Variants in DNAH2 observed in about 807,000 individuals in gnomAD.
DNAH2 encodes the protein axonemal beta dynein heavy chain 2.
In DNAH2, 323 loss-of-function variants were observed where a neutral mutation model predicts 523.5. The ratio of observed to expected loss-of-function variants is 0.62; its 90% CI spans 0.56 to 0.68. The LOEUF (loss-of-function observed/expected upper bound fraction) is 0.68, where lower values mean the gene tolerates loss of function less well. DNAH2 is among the 30% of genes least tolerant of loss of function. DNAH2 has a pLI of 0.00. For synonymous variants in DNAH2, 2,093 were observed against 2,177.4 expected (o/e 0.96, Z 1.08); for missense variants, 4,907 against 5,701.5 (o/e 0.86, Z 4.49).
At chr17:7,813,931 A>G (rs933987261) in intron 63 of DNAH2, among the ~76,000 whole-genome samples, 2 of 151,604 alleles carry the variant, frequency 1.3e-5, no homozygotes, top group African/African-American at 4.8e-5. Flanking sequence ...AAAATTATTT[A>G]TTCAAAAAAA....
intron 50 of DNAH2, 55 bp from the exon 51 acceptor site, chr17:7,797,121 A>AAC: frequency 7.2e-7 from 1 of 1,393,922 alleles, no homozygotes; most frequent in Admixed American, 2.1e-5. Context: ...AAAAAAAAAA[A>AAC]CTTCTGGAGG....
At position 7,811,376 on chromosome 17, in the gene DNAH2, C is replaced by A. The variant is rs148480792; in HGVS notation, c.9729+3790C>A. Among the ~76,000 whole-genome samples the A allele has an allele frequency of 2.8e-3, 434 of 152,320 alleles. 3 individuals are homozygous for A. Among genetic ancestry groups the A allele is most frequent in the Non-Finnish European group, 4.2e-3 (284 of 68,040 alleles). On this transcript the variant is annotated intron_variant, in intron 63 of 85. Transcript: ENST00000572933. Reference sequence around the variant, plus strand: ...AAATGGAAATTCGACATCAACTAATCTTGCCTTTGTGAGTTAAAAATCTAG... The same window carrying A: ...AAATGGAAATTCGACATCAACTAATATTGCCTTTGTGAGTTAAAAATCTAG...
At chr17:7,775,372 G>A (rs1296653394) in intron 30 of DNAH2, 30 bp downstream of exon 30, 1 of 1,584,358 alleles carries the variant, frequency 6.3e-7, no homozygotes, top group Non-Finnish European at 8.6e-7. Context: ...TGAGGACCTA[G>A]CTGATTCTTC....
intron 55 of DNAH2, 64 bp from the exon 56 acceptor site, chr17:7,799,039 C>G (rs12949280): frequency 6.3e-7 from 1 of 1,585,714 alleles, no homozygotes; most frequent in Non-Finnish European, 8.6e-7. Context: ...CCACCTGACC[C>G]GCTGCCCCCG....
At chr17:7,739,176 C>T (rs1012190308) in intron 8 of DNAH2, among the ~76,000 whole-genome samples, 21 of 152,168 alleles carry the variant, frequency 1.4e-4, no homozygotes, top group Middle Eastern at 3.2e-3. Context: ...GAGGCTGAGG[C>T]GGGCAGATCA....
At chr17:7,767,758 GA>G in intron 22 of DNAH2, 141 bp from the exon 23 acceptor site, 1 of 1,046,862 alleles carries the variant, frequency 9.6e-7, no homozygotes, top group Non-Finnish European at 1.4e-6. Context: ...CAACAGAGTG[GA>G]GAAAAATATG....
intron 9 of DNAH2, 75 bp downstream of exon 9, chr17:7,740,013 G>C (rs567760969): frequency 2.9e-6 from 4 of 1,383,930 alleles, no homozygotes; most frequent in Non-Finnish European, 3.9e-6. Context: ...GAGGAGTGGC[G>C]AGAGTATGCA....
Position 7,786,751 on chromosome 17 carries a change from T to C in DNAH2, c.6466+64T>C, listed in dbSNP as rs2076747092. On this transcript the variant is annotated intron_variant, in intron 41 of 85. Transcript: ENST00000572933. The surrounding 1 kb of genome is among the most constrained non-coding windows in gnomAD (Gnocchi z 7.5). ...GAGTCTCCTAAGGGGGCAGGGAGTC[T>C]GGGGATAGGAAGTTCCAAGTTGGGA... The C allele has an allele frequency of 6.2e-7, 1 of 1,600,278 alleles. No homozygotes were observed. Among genetic ancestry groups the C allele is most frequent in the East Asian group, 2.2e-5 (1 of 44,602 alleles).
Position 7,817,717 on chromosome 17 carries a change from TGCTGCTGG to T in DNAH2, c.10169+11_10169+18del. 1.2e-6 allele frequency: 2 copies of T among 1,613,910 alleles called. No individual in the cohort carries two copies. The highest frequency in any genetic ancestry group is 1.7e-6 in the Non-Finnish European group (2 of 1,179,964). On this transcript the variant is annotated intron_variant, in intron 66 of 85. Coordinates refer to ENST00000572933, the MANE Select transcript of DNAH2 (RefSeq NM_020877.5). ...CGTCACCCGAGGCAACAGGTGAGGG[TGCTGCTGG>T]GCGTGGGGGCGGTACGGGAGCATGG...
At chr17:7,800,501 G>A (rs957132262) in intron 56 of DNAH2, among the ~76,000 whole-genome samples, 2 of 152,022 alleles carry the variant, frequency 1.3e-5, no homozygotes, top group African/African-American at 4.8e-5. Context: ...GATATGACTA[G>A]ATTTTTAAGG....
chr17:7,725,139 G>A (rs909192777), intron 3 of DNAH2, among the ~76,000 whole-genome samples: 23 of 151,804 alleles, frequency 1.5e-4, no homozygotes, highest in Admixed American at 9.2e-4. Flanking sequence ...GCCCAGGCTG[G>A]AGTGCAGTGG....
rs200414060 is a variant in DNAH2, at chr17:7,818,638, C to A, written c.10537-5C>A. 16 of 1,613,696 alleles carry A rather than the reference C, an allele frequency of 9.9e-6. No individual in the cohort carries two copies. Among genetic ancestry groups the A allele is most frequent in the Non-Finnish European group, 1.4e-5 (16 of 1,179,984 alleles). On this transcript the variant is annotated splice_polypyrimidine_tract_variant and splice_region_variant and intron_variant, in intron 69 of 85. Coordinates refer to ENST00000572933, the MANE Select transcript of DNAH2 (RefSeq NM_020877.5). ...GCCCCTCACTGTGAGTCCTGATGCCCCCAGGGCCTGGAGGCCCAGCTGCTG... is the reference window on the plus strand; with the variant it reads ...GCCCCTCACTGTGAGTCCTGATGCCACCAGGGCCTGGAGGCCCAGCTGCTG...
chr17:7,734,731 T>G, intron 7 of DNAH2, 23 bp downstream of exon 7: 1 of 1,607,526 alleles, frequency 6.2e-7, no homozygotes, highest in South Asian at 1.1e-5. Context: ...ATCAAAGGAT[T>G]CAGGCTCAGC....
In DNAH2 at chr17:7,793,128, C is replaced by G. The variant is rs1373762618; in HGVS notation, c.7492C>G (p.Pro2498Ala). The change falls in exon 48 of 86, where the codon CCC becomes GCC. Residue 2498 changes from proline to alanine, a missense_variant. Transcript: ENST00000572933. The part of the protein sequence containing the change: ...PAKDMFGSQP[P>A]LELIRLWIDY... ...TAAGGACATGTTTGGGTCCCAGCCA[C>G]CCCTGGAGCTGATCCGCCTCTGGAT... is the stretch of plus-strand genomic sequence containing the variant. 1 of 1,614,238 alleles carries G rather than the reference C, an allele frequency of 6.2e-7. No homozygotes were observed. The highest frequency in any genetic ancestry group is 1.7e-5 in the Admixed American group (1 of 60,032).
At chr17:7,829,351 G>A (rs1203247564) in intron 77 of DNAH2, among the ~76,000 whole-genome samples, 2 of 152,020 alleles carry the variant, frequency 1.3e-5, no homozygotes, top group Non-Finnish European at 2.9e-5. Context: ...TCTATCCACG[G>A]CCCTCCTCTT....
intron 9 of DNAH2, 137 bp from the exon 10 acceptor site, chr17:7,740,283 C>A: frequency 7.6e-7 from 1 of 1,319,944 alleles, no homozygotes; most frequent in Non-Finnish European, 1.0e-6. Flanking sequence ...TAAATGGATT[C>A]ATGTAGGTAA....
At chr17:7,734,051 C>A in intron 5 of DNAH2, 132 bp from the exon 6 acceptor site, 2 of 721,856 alleles carry the variant, frequency 2.8e-6, no homozygotes, top group Non-Finnish European at 4.5e-6. Flanking sequence ...AAGCATGAGT[C>A]ACCATTTCTT....
At chr17:7,800,343 G>T (rs1018463656) in intron 56 of DNAH2, among the ~76,000 whole-genome samples, 1 of 152,020 alleles carries the variant, frequency 6.6e-6, no homozygotes, top group Non-Finnish European at 1.5e-5. Flanking sequence ...GAGCCACCGC[G>T]CCCAGCTACC....
In DNAH2 at chr17:7,792,679, G is replaced by T; in HGVS notation, c.7168G>T (p.Val2390Leu). 1 of 1,614,088 alleles carries T rather than the reference G, an allele frequency of 6.2e-7. No homozygotes were observed. The highest frequency in any genetic ancestry group is 8.5e-7 in the Non-Finnish European group (1 of 1,180,004). ...TAGCGCCCCCTTCTATAAGATCATGGTGCCCACCGTCGACACTGTTCGCTA... is the reference window on the plus strand; with the variant it reads ...TAGCGCCCCCTTCTATAAGATCATGTTGCCCACCGTCGACACTGTTCGCTA... ...PPNAPFYKIM[V>L]PTVDTVRYNY... The change falls in exon 47 of 86, where the codon GTG (valine) becomes TTG (leucine). Residue 2390 changes from valine to leucine, a missense_variant. Coordinates refer to ENST00000572933, the MANE Select transcript of DNAH2 (RefSeq NM_020877.5).
Sources: gnomAD v4.1 joint callset for allele counts (sites outside exome capture counted in the v4.1 genomes callset) on GRCh38, gnomAD v4.1.1 for gene constraint, Gnocchi (gnomAD v3.1) non-coding constraint, MANE v1.5 for transcripts, NCBI Gene and HGNC (gene_info 2026-07-23, HGNC 2026-07-21) for gene names.